Variants in ANO2 observed in about 807,000 individuals in gnomAD.
ANO2 encodes the protein anoctamin 2.
Under a neutral mutation model 124.2 loss-of-function variants are expected in ANO2, and 101 were observed. The ratio of observed to expected loss-of-function variants is 0.81; its 90% CI spans 0.69 to 0.96. The LOEUF is 0.96. Among genes scored for constraint, ANO2 ranks in the 40% least tolerant of loss-of-function variants. The pLI is 0.00. For missense variants in ANO2, 1,293 were observed against 1,274.5 expected (o/e 1.01, Z -0.22); for synonymous variants, 486 against 482.5 (o/e 1.01, Z -0.09).
In ANO2 at chr12:5,939,644, T is replaced by C. The variant is rs1346499516; in HGVS notation, c.22+5552A>G. Among the ~76,000 whole-genome samples, 4 of 152,342 alleles carry C rather than the reference T, an allele frequency of 2.6e-5. No homozygotes were observed. The East Asian group carries it at 7.7e-4, about 29-fold the overall frequency. ...AGTAATTTATTATTATCCACACCGA[T>C]GGTGAAGGATACTATATGAGTCACA... On this transcript the variant is annotated intron_variant, in intron 1 of 24. Coordinates refer to ENST00000682330, the MANE Select transcript of ANO2 (RefSeq NM_001364791.2).
At chr12:5,568,941 A>G (rs1309614858) in intron 23 of ANO2, among the ~76,000 whole-genome samples, 1 of 152,280 alleles carries the variant, frequency 6.6e-6, no homozygotes, top group Non-Finnish European at 1.5e-5. Flanking sequence ...TGCTCCGCAC[A>G]CTATCTGGCC....
intron 14 of ANO2, among the ~76,000 whole-genome samples, chr12:5,656,895 C>T (rs1190750011): frequency 2.6e-5 from 4 of 152,238 alleles, no homozygotes; most frequent in South Asian, 2.1e-4. Context: ...TTTCTCATCC[C>T]TGTCTTCATG....
chr12:5,705,251 C>A (rs1025029570), intron 14 of ANO2, among the ~76,000 whole-genome samples: 15 of 151,442 alleles, frequency 9.9e-5, no homozygotes, highest in African/African-American at 3.6e-4. Flanking sequence ...GAGAGCAAAT[C>A]AAACATTGCT....
intron 10 of ANO2, among the ~76,000 whole-genome samples, chr12:5,790,943 G>C (rs775640529): frequency 6.6e-6 from 1 of 152,096 alleles, no homozygotes; most frequent in Non-Finnish European, 1.5e-5. Flanking sequence ...AAGCAAGGAG[G>C]GCCAAAATAC....
At chr12:5,921,551 G>A (rs757710688) in intron 2 of ANO2, among the ~76,000 whole-genome samples, 185 bp from the exon 3 acceptor site, 21 of 152,232 alleles carry the variant, frequency 1.4e-4, no homozygotes, top group East Asian at 5.8e-4. Flanking sequence ...GCCAGCTTGC[G>A]AGGCCCTCCA....
chr12:5,631,777 G>GAGCT (rs1945731550), intron 16 of ANO2, among the ~76,000 whole-genome samples: 4 of 152,194 alleles, frequency 2.6e-5, no homozygotes, highest in Admixed American at 1.3e-4. Flanking sequence ...GGGTGACCAT[G>GAGCT]AGCTGAGTGG....
intron 14 of ANO2, among the ~76,000 whole-genome samples, chr12:5,724,229 G>A (rs1950344440): frequency 6.6e-6 from 1 of 152,044 alleles, no homozygotes; most frequent in Non-Finnish European, 1.5e-5. Flanking sequence ...GGCTCTTTCT[G>A]TGCCTCAGTG....
In ANO2 at chr12:5,577,281, G is replaced by A. The variant is rs551649424; in HGVS notation, c.2439+674C>T. Among the ~76,000 whole-genome samples, 20 of 152,354 alleles carry A rather than the reference G, an allele frequency of 1.3e-4. No individual in the cohort carries two copies. In the South Asian group the frequency reaches 3.9e-3, roughly 30 times the overall value. On this transcript the variant is annotated intron_variant, in intron 22 of 24. Coordinates refer to ENST00000682330, the MANE Select transcript of ANO2 (RefSeq NM_001364791.2). ...AGTCAAATCACTGTTTGCCTCCCAA[G>A]GGAAAAGGGCTGTGGCTTTCTTTGT...
At chr12:5,847,567 TAG>T (rs140178762) in intron 4 of ANO2, among the ~76,000 whole-genome samples, 7,904 of 151,804 alleles carry the variant, frequency 0.052, 320 homozygotes, top group East Asian at 0.23. Flanking sequence ...CCTGGCTGAG[TAG>T]AGTCCCTCAG....
At chr12:5,789,613 A>G (rs1018717494) in intron 10 of ANO2, among the ~76,000 whole-genome samples, 1 of 152,212 alleles carries the variant, frequency 6.6e-6, no homozygotes, top group Non-Finnish European at 1.5e-5. Context: ...AACTGTCAAC[A>G]TCTTTGAATA....
At chr12:5,662,319 C>G (rs1457680702) in intron 14 of ANO2, among the ~76,000 whole-genome samples, 1 of 152,148 alleles carries the variant, frequency 6.6e-6, no homozygotes, top group Non-Finnish European at 1.5e-5. Flanking sequence ...TACCTTAGAT[C>G]CTACAACTTA....
At chr12:5,823,241 A>G (rs1953861616) in intron 7 of ANO2, among the ~76,000 whole-genome samples, 1 of 152,216 alleles carries the variant, frequency 6.6e-6, no homozygotes, top group Non-Finnish European at 1.5e-5. Context: ...CCTTCCCTCC[A>G]AAGTCTTAAC....
chr12:5,641,397 A>T (rs1231020294), intron 15 of ANO2, among the ~76,000 whole-genome samples: 1 of 149,576 alleles, frequency 6.7e-6, no homozygotes, highest in Non-Finnish European at 1.5e-5. Context: ...TTAAAAAATA[A>T]AGAAAACTGG....
intron 12 of ANO2, chr12:5,740,915 C>T (rs17723950): frequency 0.013 from 2,036 of 152,606 alleles, 16 homozygotes; most frequent in Non-Finnish European, 0.022. Flanking sequence ...GACTTGCGCA[C>T]GTTGTCCCTC....
chr12:5,630,985 G>A (rs1945690495), intron 16 of ANO2, among the ~76,000 whole-genome samples: 1 of 152,154 alleles, frequency 6.6e-6, no homozygotes, highest in African/African-American at 2.4e-5. Flanking sequence ...CCCCTGACAT[G>A]GTGTCCACGG....
intron 1 of ANO2, among the ~76,000 whole-genome samples, chr12:5,929,846 C>T (rs61908431): frequency 0.1 from 10,380 of 103,396 alleles, 1,060 homozygotes; most frequent in Non-Finnish European, 0.12. Flanking sequence ...TACTAGTCTA[C>T]CTTCTTTCCT....
chr12:5,668,850 G>A (rs537089975), intron 14 of ANO2, among the ~76,000 whole-genome samples: 119 of 152,240 alleles, frequency 7.8e-4, no homozygotes, highest in African/African-American at 2.9e-3. Flanking sequence ...AAGATCAGAT[G>A]GTTGTAGACG....
chr12:5,753,987 A>G (rs1388503519), intron 10 of ANO2, among the ~76,000 whole-genome samples: 2 of 152,128 alleles, frequency 1.3e-5, no homozygotes, highest in African/African-American at 4.8e-5. Flanking sequence ...TTTTTTTACT[A>G]TTGAATATGA....
chr12:5,768,076 CT>C (rs1390213481), intron 10 of ANO2, among the ~76,000 whole-genome samples: 1 of 152,178 alleles, frequency 6.6e-6, no homozygotes, highest in Non-Finnish European at 1.5e-5. Context: ...CCAAGGCACC[CT>C]AACATCGTGC....
Sources: allele counts gnomAD v4.1 joint callset (sites outside exome capture counted in the v4.1 genomes callset), GRCh38; gene constraint gnomAD v4.1.1; transcripts MANE v1.5; gene names NCBI Gene and HGNC (gene_info 2026-07-23, HGNC 2026-07-21).